LNPEP: variants seen among roughly 807,000 people sequenced by gnomAD.
LNPEP encodes the protein leucyl and cystinyl aminopeptidase.
Under a neutral mutation model 120.6 loss-of-function variants are expected in LNPEP, and 64 were observed. That is an observed-to-expected ratio of 0.53 (90% confidence interval 0.43 to 0.65). The LOEUF is 0.65. Ranked by LOEUF, LNPEP falls within the 30% of genes least tolerant of loss-of-function variation. LNPEP has a pLI of 0.00. For missense variants in LNPEP, 1,057 were observed against 1,200.0 expected, an observed-to-expected ratio of 0.88 and a Z score of 1.76; for synonymous variants, 435 against 425.4, an observed-to-expected ratio of 1.02 and a Z score of -0.28.
At chr5:97,020,825 A>G (rs969295675) in intron 13 of LNPEP, among the ~76,000 whole-genome samples, 3 of 152,098 alleles carry the variant, frequency 2.0e-5, no homozygotes, top group Non-Finnish European at 4.4e-5. Flanking sequence ...AGAATACCTA[A>G]AAACATTTTT....
intron 11 of LNPEP, chr5:97,011,041 A>G (rs1399710257): frequency 1.0e-6 from 1 of 985,346 alleles, no homozygotes; most frequent in South Asian, 4.7e-5. Flanking sequence ...CCTCTTTACC[A>G]TCTGGACTTG....
chr5:97,009,452 A>G (rs2112651978), intron 11 of LNPEP, among the ~76,000 whole-genome samples: 1 of 152,338 alleles, frequency 6.6e-6, no homozygotes, highest in East Asian at 1.9e-4. Flanking sequence ...TTAATGAATT[A>G]GTAAATTTTA....
At chr5:96,967,679 A>G (rs1331677895) in intron 1 of LNPEP, among the ~76,000 whole-genome samples, 1 of 152,122 alleles carries the variant, frequency 6.6e-6, no homozygotes, top group Non-Finnish European at 1.5e-5. Context: ...CCTTATAGAC[A>G]GTGTATGAAT....
At chr5:96,998,254 G>C in intron 8 of LNPEP, 109 bp downstream of exon 8, 1 of 844,964 alleles carries the variant, frequency 1.2e-6, no homozygotes, top group East Asian at 2.9e-5. Flanking sequence ...ATGTTTTTCA[G>C]GTATTAATGG....
In LNPEP at chr5:97,032,789, G is replaced by A. The variant is rs1337662009; in HGVS notation, c.*4256G>A. The A allele has an allele frequency of 1.3e-5, 2 of 152,214 alleles. No homozygotes were observed. The highest frequency in any genetic ancestry group is 3.9e-4 in the East Asian group (2 of 5,174). The allele number at this position is 152,214 out of a possible 1,614,324, so 9.4% of individuals were successfully genotyped here. ...AACGCGGTGGTCCAAAAGCATGACA[G>A]ATGTCCCCTTTGCGTTTCTCCTTAT... On this transcript the variant is annotated 3_prime_UTR_variant, in exon 18 of 18. Coordinates refer to ENST00000231368, the MANE Select transcript of LNPEP (RefSeq NM_005575.3).
At chr5:96,959,023 A>G (rs1300279723) in intron 1 of LNPEP, among the ~76,000 whole-genome samples, 1 of 151,656 alleles carries the variant, frequency 6.6e-6, no homozygotes, top group Non-Finnish European at 1.5e-5. Flanking sequence ...ACGAGGTTTC[A>G]CCATGTTGGC....
At chr5:96,983,187 CTCTT>C (rs370732853) in intron 2 of LNPEP, among the ~76,000 whole-genome samples, 1 of 152,240 alleles carries the variant, frequency 6.6e-6, no homozygotes, top group Non-Finnish European at 1.5e-5. Flanking sequence ...AAATCTCATA[CTCTT>C]TCTTTTCTCC....
intron 4 of LNPEP, among the ~76,000 whole-genome samples, chr5:96,990,222 A>G (rs1292663677): frequency 4.6e-5 from 7 of 152,212 alleles, no homozygotes; most frequent in Admixed American, 3.3e-4. Context: ...GTGTGTGTGT[A>G]TATTAAAACT....
intron 1 of LNPEP, among the ~76,000 whole-genome samples, chr5:96,948,136 G>C (rs1411978092): frequency 1.6e-5 from 2 of 121,938 alleles, no homozygotes; most frequent in African/African-American, 6.0e-5. Context: ...TTTTTTTTTT[G>C]AGATGGAGTC....
Position 96,975,706 on chromosome 5 carries a change from C to A in LNPEP, c.20-3432C>A, listed in dbSNP as rs142855126. Among the ~76,000 whole-genome samples the A allele has an allele frequency of 2.0e-5, 3 of 152,096 alleles. 1 individual carries two copies. Among genetic ancestry groups the A allele is most frequent in the Admixed American group, 2.0e-4 (3 of 15,260 alleles). On this transcript the variant is annotated intron_variant, in intron 1 of 17. Coordinates refer to ENST00000231368, the MANE Select transcript of LNPEP (RefSeq NM_005575.3). Reference sequence around the variant, plus strand: ...TGAAAAAAGACATACAAAAATAGCTCAGTTTTATACATTATTAAATTCAAT... The same window carrying A: ...TGAAAAAAGACATACAAAAATAGCTAAGTTTTATACATTATTAAATTCAAT...
At chr5:97,023,445 G>A (rs778128661) in intron 14 of LNPEP, among the ~76,000 whole-genome samples, 15 of 152,094 alleles carry the variant, frequency 9.9e-5, no homozygotes, top group Non-Finnish European at 2.2e-4. Flanking sequence ...GTAGAGACGG[G>A]GTTTCACCAT....
Position 97,024,580 on chromosome 5 carries a change from G to T in LNPEP, c.2621G>T (p.Trp874Leu). 1 of 1,614,042 alleles carries T rather than the reference G, an allele frequency of 6.2e-7. No homozygotes were observed. The highest frequency in any genetic ancestry group is 8.5e-7 in the Non-Finnish European group (1 of 1,179,906). ...FKVGAKTDKG[W>L]SFLLGKYISI... ...GTTGGAGCAAAAACTGACAAAGGCT[G>T]GTCATTCCTTTTGGGCAAATACATT... The change falls in exon 15 of 18, where the codon TGG becomes TTG. Residue 874 changes from tryptophan (W) to leucine (L), a missense_variant. Physicochemically the swap from Trp to Leu is moderately conservative, Grantham distance 61 (BLOSUM62 -2). Transcript: ENST00000231368.
At chr5:96,992,471 G>A (rs1790411772) in intron 4 of LNPEP, among the ~76,000 whole-genome samples, 1 of 152,110 alleles carries the variant, frequency 6.6e-6, no homozygotes, top group African/African-American at 2.4e-5. Context: ...GGTTTTTCTA[G>A]GATAATTTCA....
At chr5:96,975,987 A>G (rs1393489283) in intron 1 of LNPEP, among the ~76,000 whole-genome samples, 1 of 152,168 alleles carries the variant, frequency 6.6e-6, no homozygotes, top group Non-Finnish European at 1.5e-5. Flanking sequence ...GATAGCTTCT[A>G]TATGTGGATT....
At position 96,979,502 on chromosome 5, in the gene LNPEP, T is replaced by G; in HGVS notation, c.384T>G (p.Ile128Met). ...IVVAVSVIMVIYLLPRCTFTK... is the reference protein window; with the variant it reads ...IVVAVSVIMVMYLLPRCTFTK... Reference sequence around the variant, plus strand: ...TTGCTGTTTCTGTAATCATGGTGATTTACTTACTGCCCAGATGTACCTTTA... The same window carrying G: ...TTGCTGTTTCTGTAATCATGGTGATGTACTTACTGCCCAGATGTACCTTTA... The change falls in exon 2 of 18, where the codon ATT becomes ATG. Residue 128 changes from isoleucine to methionine, a missense_variant. Ile to Met is a conservative substitution (Grantham distance 10). Coordinates refer to ENST00000231368, the MANE Select transcript of LNPEP (RefSeq NM_005575.3). The G allele has an allele frequency of 3.1e-6, 5 of 1,614,062 alleles. No homozygotes were observed. The highest frequency in any genetic ancestry group is 4.2e-6 in the Non-Finnish European group (5 of 1,179,960).
rs74636153 is a variant in LNPEP at position 96,944,275 on chromosome 5, A to T, written c.19+8101A>T. Among the ~76,000 whole-genome samples the T allele has an allele frequency of 3.3e-5, 5 of 152,336 alleles. No homozygotes were observed. The East Asian group carries it at 9.6e-4, about 29-fold the overall frequency. On this transcript the variant is annotated intron_variant, in intron 1 of 17. Coordinates refer to ENST00000231368, the MANE Select transcript of LNPEP (RefSeq NM_005575.3). ...ATGAAACATTTCATTGTCAATGAAA[A>T]GAGTCAAACTGTAAAATCTTTAAAG...
intron 12 of LNPEP, among the ~76,000 whole-genome samples, chr5:97,014,224 T>C (rs1791008634): frequency 6.6e-6 from 1 of 152,142 alleles, no homozygotes. Context: ...GGAGCCACCT[T>C]ATCTGTACTG....
At chr5:96,942,697 G>A (rs996120066) in intron 1 of LNPEP, among the ~76,000 whole-genome samples, 28 of 143,136 alleles carry the variant, frequency 2.0e-4, no homozygotes, top group Non-Finnish European at 3.8e-4. Flanking sequence ...ACACAGGGTG[G>A]GGAACACCAC....
chr5:96,979,906 A>G lies in LNPEP; in HGVS notation c.788A>G (p.Tyr263Cys), dbSNP rs1489618027. 1 of 1,613,734 alleles carries G rather than the reference A, an allele frequency of 6.2e-7. No homozygotes were observed. Among genetic ancestry groups the G allele is most frequent in the Admixed American group, 1.7e-5 (1 of 59,984 alleles). ...AGHNYTLKIE[Y>C]SANISSSYYG... Reference sequence around the variant, plus strand: ...CACAATTATACGTTGAAGATAGAGTACTCGGCAAATATATCTAGTTCTTAT... The same window carrying G: ...CACAATTATACGTTGAAGATAGAGTGCTCGGCAAATATATCTAGTTCTTAT... The change falls in exon 2 of 18, where the codon TAC (tyrosine) becomes TGC (cysteine). Residue 263 changes from tyrosine to cysteine, a missense_variant. Tyr to Cys is a radical substitution (Grantham distance 194, BLOSUM62 -2). Transcript: ENST00000231368.
Sources: gnomAD v4.1 joint callset for allele counts (sites outside exome capture counted in the v4.1 genomes callset) on GRCh38, gnomAD v4.1.1 for gene constraint, MANE v1.5 for transcripts, NCBI Gene and HGNC (gene_info 2026-07-23, HGNC 2026-07-21) for gene names.